The following EPC1 variants were observed in gnomAD, a reference collection of about 807,000 sequenced individuals.
EPC1 encodes the protein enhancer of polycomb 1.
EPC1 carries 12 observed loss-of-function variants against 98.4 expected under a neutral mutation model. That is an observed-to-expected ratio of 0.12 (90% CI 0.08 to 0.20). The LOEUF is 0.20. EPC1 is among the 10% of genes least tolerant of loss of function. The pLI is 1.00. For synonymous variants in EPC1, 357 were observed against 363.9 expected, an observed-to-expected ratio of 0.98 and a Z score of 0.21; for missense variants, 729 against 990.5, an observed-to-expected ratio of 0.74 and a Z score of 3.54.
intron 1 of EPC1, chr10:32,345,065 T>C (rs1037937628): frequency 2.4e-6 from 2 of 832,808 alleles, no homozygotes; most frequent in African/African-American, 1.8e-5. Flanking sequence ...CTTGAAAGTA[T>C]TATCTGTAAA....
chr10:32,312,241 C>T (rs946068234), intron 1 of EPC1, among the ~76,000 whole-genome samples: 4 of 152,084 alleles, frequency 2.6e-5, no homozygotes, highest in East Asian at 1.9e-4. Context: ...CGAGCAATAG[C>T]GGCTGCAGGG....
At position 32,269,084 on chromosome 10, in the gene EPC1, T is replaced by G; in HGVS notation, c.2421A>C (p.Thr807=). Residue 807 remains threonine, a synonymous_variant, in exon 14 of 14, where the codon ACA becomes ACC. Coordinates refer to ENST00000319778, the MANE Select transcript of EPC1 (RefSeq NM_001272004.3). ...GAAGCTACGTCACCTCCATCGCTAC[T>G]GTGTTGTCTGCTATGTTGTTCAGTG... ...KPALNNIADN[T]VAMEVT is the part of the protein sequence containing the mutation. The G allele has an allele frequency of 6.2e-7, 1 of 1,614,048 alleles. No homozygotes were observed. The highest frequency in any genetic ancestry group is 8.5e-7 in the Non-Finnish European group (1 of 1,179,938).
chr10:32,275,774 A>T (rs760054161), intron 10 of EPC1, among the ~76,000 whole-genome samples: 1 of 136,686 alleles, frequency 7.3e-6, no homozygotes, highest in Non-Finnish European at 1.6e-5. Flanking sequence ...GACTCCTTCT[A>T]AAAAAAAAAA....
intron 1 of EPC1, among the ~76,000 whole-genome samples, chr10:32,327,911 T>G (rs897195937): frequency 2.0e-5 from 3 of 152,236 alleles, no homozygotes; most frequent in African/African-American, 7.2e-5. Context: ...GTATGATCAC[T>G]ACGTGCCAAT....
chr10:32,296,909 A>C (rs999246635), intron 2 of EPC1, among the ~76,000 whole-genome samples: 1 of 151,752 alleles, frequency 6.6e-6, no homozygotes, highest in Non-Finnish European at 1.5e-5. Flanking sequence ...TCCATCTCAA[A>C]AAAAAAAAAA....
At chr10:32,291,933 T>C (rs1156276011) in intron 5 of EPC1, 4 of 152,318 alleles carry the variant, frequency 2.6e-5, no homozygotes, top group South Asian at 2.1e-4. Context: ...TTTGGTGAAG[T>C]TGAAAGTAAT....
At chr10:32,341,134 C>G (rs1444274103) in intron 1 of EPC1, among the ~76,000 whole-genome samples, 1 of 152,170 alleles carries the variant, frequency 6.6e-6, no homozygotes, top group Non-Finnish European at 1.5e-5. Flanking sequence ...ACAAATGATA[C>G]AATTCCATGG....
intron 1 of EPC1, among the ~76,000 whole-genome samples, chr10:32,309,241 T>G (rs1276692743): frequency 1.3e-5 from 2 of 152,248 alleles, no homozygotes; most frequent in South Asian, 4.1e-4. Flanking sequence ...CAACCAACAA[T>G]AATTTATTAC....
At chr10:32,285,220 T>C (rs934783824) in intron 9 of EPC1, 170 bp from the exon 10 acceptor site, 3 of 494,296 alleles carry the variant, frequency 6.1e-6, no homozygotes, top group Admixed American at 3.8e-5. Context: ...ACAACCTCAA[T>C]TTCTAATAAA....
chr10:32,300,699 A>C (rs940281917), intron 2 of EPC1, among the ~76,000 whole-genome samples: 1 of 151,750 alleles, frequency 6.6e-6, no homozygotes, highest in African/African-American at 2.4e-5. Flanking sequence ...CTCCCAAAGT[A>C]CTGGGATTAC....
At chr10:32,346,496 C>T (rs758843694) in intron 1 of EPC1, 8 of 445,888 alleles carry the variant, frequency 1.8e-5, no homozygotes, top group Non-Finnish European at 2.8e-5. Context: ...GTCACGTGAC[C>T]CCTTTGTGCC....
intron 1 of EPC1, among the ~76,000 whole-genome samples, chr10:32,360,223 T>G (rs1839403365): frequency 3.3e-5 from 5 of 152,218 alleles, no homozygotes; most frequent in Admixed American, 3.3e-4. Flanking sequence ...ATATGTTGTA[T>G]CAGTAGTTTT....
At chr10:32,364,442 G>T (rs1592639991) in intron 1 of EPC1, among the ~76,000 whole-genome samples, 1 of 152,116 alleles carries the variant, frequency 6.6e-6, no homozygotes, top group East Asian at 1.9e-4. Flanking sequence ...CCCATGCTAG[G>T]TTACCTTAAC....
At position 32,271,550 on chromosome 10, in the gene EPC1, T is replaced by G. The variant is rs1328459646; in HGVS notation, c.2369+4A>C. ...AGGTATGTTAGGCAAAAATAACTAC[T>G]CACCTTGGAACTGAATCTACAGAGG... On this transcript the variant is annotated splice_donor_region_variant and intron_variant, in intron 13 of 13. Coordinates refer to ENST00000319778, the MANE Select transcript of EPC1 (RefSeq NM_001272004.3). 1 of 1,609,162 alleles carries G rather than the reference T, an allele frequency of 6.2e-7. No individual in the cohort carries two copies. The highest frequency in any genetic ancestry group is 1.7e-5 in the Admixed American group (1 of 59,784).
intron 1 of EPC1, among the ~76,000 whole-genome samples, chr10:32,331,041 G>T (rs911991977): frequency 2.0e-5 from 3 of 151,508 alleles, no homozygotes; most frequent in African/African-American, 7.3e-5. Flanking sequence ...ATGAATCAAG[G>T]TATATTATTT....
chr10:32,312,313 A>T (rs188349612), intron 1 of EPC1, among the ~76,000 whole-genome samples: 2 of 152,326 alleles, frequency 1.3e-5, no homozygotes, highest in Admixed American at 1.3e-4. Flanking sequence ...AACAGAATAT[A>T]CGTAGCCCTT....
intron 1 of EPC1, among the ~76,000 whole-genome samples, chr10:32,320,307 T>C (rs950438784): frequency 2.0e-5 from 3 of 152,172 alleles, no homozygotes; most frequent in Non-Finnish European, 4.4e-5. Flanking sequence ...GCATAATCCT[T>C]ACAAGTCAGT....
At chr10:32,348,282 T>C (rs1410953870), upstream of EPC1, among the ~76,000 whole-genome samples, 1 of 152,178 alleles carries the variant, frequency 6.6e-6, no homozygotes, top group Non-Finnish European at 1.5e-5. Context: ...TTGTTGTTAA[T>C]AGGGAAGATT....
At chr10:32,332,487 G>A (rs1316967509) in intron 1 of EPC1, among the ~76,000 whole-genome samples, 2 of 152,200 alleles carry the variant, frequency 1.3e-5, no homozygotes, top group East Asian at 3.8e-4. Context: ...TCACTTCTAA[G>A]ATTGGGTGAT....
Sources: allele counts gnomAD v4.1 joint callset (sites outside exome capture counted in the v4.1 genomes callset), GRCh38; gene constraint gnomAD v4.1.1; transcripts MANE v1.5; gene names NCBI Gene and HGNC (gene_info 2026-07-23, HGNC 2026-07-21).